The following CYB5R3 variants were observed in gnomAD, a reference collection of about 807,000 sequenced individuals.
The protein encoded by CYB5R3 is cytochrome b5 reductase 3, also known as NADH-cytochrome b5 reductase 3.
CYB5R3 carries 28 observed loss-of-function variants against 36.5 expected under a neutral mutation model. The ratio of observed to expected loss-of-function variants is 0.77; its 90% CI spans 0.57 to 1.05. The LOEUF is 1.05. Ranked by LOEUF, CYB5R3 falls within the 50% of genes least tolerant of loss-of-function variation. The probability of loss-of-function intolerance (pLI) is 0.00; values close to 1 mark genes in which losing one functional copy is unlikely to be tolerated. For missense variants in CYB5R3, 474 were observed against 408.9 expected, an observed-to-expected ratio of 1.16 and a Z score of -1.37; for synonymous variants, 181 against 159.8, an observed-to-expected ratio of 1.13 and a Z score of -1.00.
At chr22:42,648,021 T>A (rs1323870304) in intron 1 of CYB5R3, among the ~76,000 whole-genome samples, 1 of 152,112 alleles carries the variant, frequency 6.6e-6, no homozygotes, top group Non-Finnish European at 1.5e-5. Flanking sequence ...AGGCAGGACA[T>A]TTCAACAATA....
intron 8 of CYB5R3, among the ~76,000 whole-genome samples, chr22:42,623,543 C>T (rs34734094): frequency 1.5e-3 from 226 of 152,286 alleles, no homozygotes; most frequent in Non-Finnish European, 2.7e-3. Flanking sequence ...GCAGTGCGCC[C>T]GGGAAAGGAC....
At chr22:42,621,182 TAGTGTGTG>T (rs1569315560) in intron 8 of CYB5R3, among the ~76,000 whole-genome samples, 1 of 105,078 alleles carries the variant, frequency 9.5e-6, no homozygotes, top group East Asian at 3.0e-4. Context: ...GATTTCTTTT[TAGTGTGTG>T]TGTGTGTGTG....
chr22:42,637,505 G>A (rs1249735175), intron 1 of CYB5R3, among the ~76,000 whole-genome samples: 1 of 152,146 alleles, frequency 6.6e-6, no homozygotes, highest in Non-Finnish European at 1.5e-5. Context: ...GAGCCCTGGG[G>A]TTCTGCCATC....
At chr22:42,626,630 C>T (rs1319930919) in intron 7 of CYB5R3, among the ~76,000 whole-genome samples, 3 of 152,158 alleles carry the variant, frequency 2.0e-5, no homozygotes, top group Non-Finnish European at 4.4e-5. Context: ...TCTGCAGCTG[C>T]GGGGAGGCAG....
chr22:42,620,918 GATTCC>G (rs922581727), intron 8 of CYB5R3, among the ~76,000 whole-genome samples: 124 of 152,290 alleles, frequency 8.1e-4, no homozygotes, highest in Non-Finnish European at 1.2e-3. Context: ...TCCCAGTACT[GATTCC>G]ATTCATTTTA....
At position 42,627,688 on chromosome 22, in the gene CYB5R3, C is replaced by T. The variant is rs747017142; in HGVS notation, c.464G>A (p.Gly155Glu). 21 of 1,611,542 alleles carry T rather than the reference C, an allele frequency of 1.3e-5. No homozygotes were observed. Among genetic ancestry groups the T allele is most frequent in the Non-Finnish European group, 1.7e-5 (20 of 1,177,638 alleles). Residue 155 changes from glycine (G) to glutamate (E), a missense_variant and splice_region_variant, in exon 6 of 9, where the codon GGG becomes GAG. Transcript: ENST00000352397. ...PSGLLVYQGK[G>E]KFAIRPDKKS... ...TTTGTCAGGTCGGATGGCGAACTTC[C>T]CTGGGGAGAGAGAAGGGGTGAGGCC...
At chr22:42,644,255 AG>A (rs1929428290) in intron 1 of CYB5R3, 1 of 624,566 alleles carries the variant, frequency 1.6e-6, no homozygotes, top group Non-Finnish European at 2.9e-6. Flanking sequence ...TGCCTCCCAC[AG>A]TGAGGCCTGA....
At chr22:42,643,976 C>T (rs2267457) in intron 1 of CYB5R3, among the ~76,000 whole-genome samples, 24,007 of 152,042 alleles carry the variant, frequency 0.16, 2,564 homozygotes, top group East Asian at 0.58. Context: ...GTGATCATCC[C>T]AGCACGTGAG....
chr22:42,619,775 A>G lies in CYB5R3; in HGVS notation c.904T>C (p.Ter302ArgextTer42). Residue 302 changes from the stop codon to arginine, a stop_lost, in exon 9 of 9, where the codon TGA (stop) becomes CGA (arginine). Transcript: ENST00000352397. ...GGCCGTGTGACCGTGCCCGGCCCTC[A>G]GAAGACGAAGCAGCGCTCCGTGGGG... is the stretch of plus-strand genomic sequence containing the variant. ...GHPTERCFVF[*>R] is the part of the protein sequence containing the mutation. The G allele has an allele frequency of 1.3e-6, 2 of 1,578,596 alleles. No homozygotes were observed. The highest frequency in any genetic ancestry group is 1.2e-5 in the South Asian group (1 of 86,880).
At chr22:42,622,627 T>C (rs1454249348) in intron 8 of CYB5R3, among the ~76,000 whole-genome samples, 2 of 152,158 alleles carry the variant, frequency 1.3e-5, no homozygotes, top group African/African-American at 4.8e-5. Flanking sequence ...TGGGCCCAGG[T>C]GACCCAGCTC....
rs772310694 is a variant in CYB5R3, at chr22:42,628,263, G to A, written c.352C>T (p.His118Tyr). 23 of 1,614,038 alleles carry A rather than the reference G, an allele frequency of 1.4e-5. No homozygotes were observed. Among genetic ancestry groups the A allele is most frequent in the Admixed American group, 5.0e-5 (3 of 60,016 alleles). ...TTCCCTCCAGCGGGAAACTTGGGAT[G>A]GGTGTCCTTGAAGTAAACCTGCAAG... ...LVIKVYFKDT[H>Y]PKFPAGGKMS... Residue 118 changes from histidine (H) to tyrosine (Y), a missense_variant, in exon 5 of 9, where the codon CAT (histidine) becomes TAT (tyrosine). His to Tyr is a moderately conservative substitution (Grantham distance 83). Coordinates refer to ENST00000352397, the MANE Select transcript of CYB5R3 (RefSeq NM_000398.7).
At chr22:42,625,545 G>A (rs1196914935) in intron 7 of CYB5R3, among the ~76,000 whole-genome samples, 2 of 152,220 alleles carry the variant, frequency 1.3e-5, no homozygotes, top group Non-Finnish European at 2.9e-5. Flanking sequence ...TCCTCTCTGA[G>A]CTAAAGTGTG....
At position 42,628,041 on chromosome 22, in the gene CYB5R3, G is replaced by C; in HGVS notation, c.463+111C>G. 2.0e-6 allele frequency: 3 copies of C among 1,464,918 alleles called. No homozygotes were observed. The Admixed American group carries it at 5.0e-5, about 25-fold the overall frequency. The allele number at this position is 1,464,918 out of a possible 1,614,324, so 90.7% of individuals were successfully genotyped here. A position where few individuals can be genotyped will look rare whatever the true frequency, so the allele number is the denominator to read the frequency against. ...CCCAGAGAGGGACAGCTGGCCTGACGAGAGTCACCCATCCACACAGAGCCA... is the reference window on the plus strand; with the variant it reads ...CCCAGAGAGGGACAGCTGGCCTGACCAGAGTCACCCATCCACACAGAGCCA... On this transcript the variant is annotated intron_variant, in intron 5 of 8. Transcript: ENST00000352397.
intron 1 of CYB5R3, chr22:42,639,234 G>T: frequency 3.6e-6 from 1 of 277,514 alleles, no homozygotes; most frequent in South Asian, 2.9e-5. Flanking sequence ...TGGAGCAGGA[G>T]AATCATCTGA....
At position 42,617,866 on chromosome 22, in the gene CYB5R3, G is replaced by T. The variant is rs1927707595; in HGVS notation, c.*1907C>A. ...CTGTTTCTGAAAGTTTATTCCACAA[G>T]CTGGTTCCAACGGCAGGGCCTTTGC... On this transcript the variant is annotated 3_prime_UTR_variant, in exon 9 of 9. Coordinates refer to ENST00000352397, the MANE Select transcript of CYB5R3 (RefSeq NM_000398.7). 1 of 152,340 alleles carries T rather than the reference G, an allele frequency of 6.6e-6. No homozygotes were observed. The highest frequency in any genetic ancestry group is 6.5e-5 in the Admixed American group (1 of 15,282). 9.4% of individuals were successfully genotyped at this position (152,340 alleles called of 1,614,324 possible).
intron 7 of CYB5R3, among the ~76,000 whole-genome samples, chr22:42,624,273 T>A (rs1320990932): frequency 8.6e-5 from 13 of 151,994 alleles, no homozygotes; most frequent in Admixed American, 7.9e-4. Flanking sequence ...CGGGAGCGGG[T>A]GTAACACATA....
At chr22:42,640,085 TA>T in intron 1 of CYB5R3, 1 of 1,613,938 alleles carries the variant, frequency 6.2e-7, no homozygotes, top group African/African-American at 1.3e-5. Flanking sequence ...TGTTTGAAGC[TA>T]CCAGTCTGAG....
In CYB5R3 at chr22:42,649,297, T is replaced by A; in HGVS notation, c.19A>T (p.Thr7Ser). 1 of 1,025,552 alleles carries A rather than the reference T, an allele frequency of 9.8e-7. No individual in the cohort carries two copies. Among genetic ancestry groups the A allele is most frequent in the Non-Finnish European group, 1.2e-6 (1 of 853,508 alleles). The allele number at this position is 1,025,552 out of a possible 1,614,324, so 63.5% of individuals were successfully genotyped here. The change falls in exon 1 of 9, where the codon ACG becomes TCG. Residue 7 changes from threonine to serine, a missense_variant and splice_region_variant. Coordinates refer to ENST00000352397, the MANE Select transcript of CYB5R3 (RefSeq NM_000398.7). ...CCCGGCGCCCCCTCCCCGCCTACCG[T>A]GCTGAGCTGGGCCCCCATGGTGGCC... MGAQLSTLGHMVLFPVW... is the reference protein window; with the variant it reads MGAQLSSLGHMVLFPVW...
chr22:42,624,180 G>T (rs966922383), intron 7 of CYB5R3, among the ~76,000 whole-genome samples: 2 of 152,216 alleles, frequency 1.3e-5, no homozygotes, highest in African/African-American at 4.8e-5. Flanking sequence ...GGGAAAAATG[G>T]AAAAAACTAA....
Sources: allele counts gnomAD v4.1 joint callset (sites outside exome capture counted in the v4.1 genomes callset), GRCh38; gene constraint gnomAD v4.1.1; transcripts MANE v1.5; gene names NCBI Gene and HGNC (gene_info 2026-07-23, HGNC 2026-07-21).